STX8: variants seen among roughly 807,000 people sequenced by gnomAD.
STX8 encodes syntaxin-8.
In STX8, 23 loss-of-function variants were observed where a neutral mutation model predicts 37.5. The ratio of observed to expected loss-of-function variants is 0.61; its 90% CI spans 0.44 to 0.87. The LOEUF (loss-of-function observed/expected upper bound fraction) is 0.87, where lower values mean the gene tolerates loss of function less well. STX8 is among the 40% of genes least tolerant of loss of function. The pLI, the probability that STX8 is intolerant of heterozygous loss-of-function variation, is 0.00. For synonymous variants in STX8, 115 were observed against 99.1 expected (o/e 1.16, Z -0.95); for missense variants, 313 against 284.7 (o/e 1.10, Z -0.71).
Position 9,547,246 on chromosome 17 carries a change from C to CAAAAAAAAAA in STX8, c.213-1974_213-1965dup, listed in dbSNP as rs11300957. The CAAAAAAAAAA allele has an allele frequency of 6.2e-5, 8 of 129,652 alleles. 1 individual carries two copies. The highest frequency in any genetic ancestry group is 2.4e-4 in the African/African-American group (8 of 32,890). 8.0% of individuals were successfully genotyped at this position (129,652 alleles called of 1,614,324 possible). Reference sequence around the variant, plus strand: ...CTGGTGAAAGAGCGAGACTCTGTCTCAAAAAAAAAAAAAAAAAAAAGAAAA... The same window carrying CAAAAAAAAAA: ...CTGGTGAAAGAGCGAGACTCTGTCTCAAAAAAAAAAAAAAAAAAAAAAAAAAAAAAGAAAA... On this transcript the variant is annotated intron_variant, in intron 3 of 7. Coordinates refer to ENST00000306357, the MANE Select transcript of STX8 (RefSeq NM_004853.3).
intron 6 of STX8, among the ~76,000 whole-genome samples, chr17:9,421,066 T>C (rs1238696719): frequency 6.6e-6 from 1 of 152,128 alleles, no homozygotes; most frequent in African/African-American, 2.4e-5. Context: ...CTCAATCCTA[T>C]ACCTATCCCT....
intron 7 of STX8, among the ~76,000 whole-genome samples, chr17:9,364,871 G>T (rs946757129): frequency 6.6e-6 from 1 of 152,054 alleles, no homozygotes; most frequent in African/African-American, 2.4e-5. Context: ...CCCTCTGGGG[G>T]TTGCAGTTTA....
At chr17:9,266,471 G>A (rs866621781) in intron 7 of STX8, among the ~76,000 whole-genome samples, 54 of 152,242 alleles carry the variant, frequency 3.5e-4, no homozygotes, top group African/African-American at 1.1e-3. Context: ...CTTCAGCGCC[G>A]TGCTGGCTGA....
At chr17:9,304,006 CA>C (rs1908871974) in intron 7 of STX8, among the ~76,000 whole-genome samples, 3 of 137,504 alleles carry the variant, frequency 2.2e-5, no homozygotes, top group African/African-American at 9.5e-5. Context: ...TGTCAAAGGC[CA>C]AATAATTAGG....
intron 6 of STX8, among the ~76,000 whole-genome samples, chr17:9,472,017 C>A (rs1905887105): frequency 6.7e-6 from 1 of 149,664 alleles, no homozygotes; most frequent in Non-Finnish European, 1.5e-5. Context: ...TCTGTACATA[C>A]CCCACACAGA....
chr17:9,546,959 C>T (rs116082578), intron 3 of STX8, among the ~76,000 whole-genome samples: 5,662 of 150,962 alleles, frequency 0.038, 374 homozygotes, highest in African/African-American at 0.13. Flanking sequence ...TGTTAAGAAA[C>T]ACAGAAGGGC....
At chr17:9,464,535 T>C (rs1447990701) in intron 6 of STX8, among the ~76,000 whole-genome samples, 2 of 152,148 alleles carry the variant, frequency 1.3e-5, no homozygotes, top group East Asian at 3.9e-4. Context: ...CACGGGTCTC[T>C]AGTACTTAAA....
At chr17:9,573,462 C>A (rs1907765678) in intron 1 of STX8, among the ~76,000 whole-genome samples, 1 of 152,206 alleles carries the variant, frequency 6.6e-6, no homozygotes, top group African/African-American at 2.4e-5. Flanking sequence ...CCACGCCCTT[C>A]GAGGTGTCCC....
intron 7 of STX8, among the ~76,000 whole-genome samples, chr17:9,283,946 G>A (rs940677432): frequency 3.3e-5 from 5 of 152,142 alleles, no homozygotes; most frequent in African/African-American, 7.2e-5. Context: ...GTATTTCCTC[G>A]GGAGAGGAAA....
rs535173520 is a variant in STX8 at position 9,525,636 on chromosome 17, G to A, written c.323+19536C>T. Among the ~76,000 whole-genome samples the A allele has an allele frequency of 5.3e-5, 8 of 152,080 alleles. No homozygotes were observed. In the East Asian group the frequency reaches 5.8e-4, roughly 11 times the overall value. On this transcript the variant is annotated intron_variant, in intron 4 of 7. Coordinates refer to ENST00000306357, the MANE Select transcript of STX8 (RefSeq NM_004853.3). ...GCTGGGATTACAAGCGTGAGCCACC[G>A]TGCCCGGCCCAGATTTCTCCATTTT... is the stretch of plus-strand genomic sequence containing the variant.
intron 7 of STX8, among the ~76,000 whole-genome samples, chr17:9,298,276 T>C (rs916253477): frequency 1.1e-4 from 16 of 152,166 alleles, no homozygotes; most frequent in Admixed American, 9.8e-4. Flanking sequence ...TGAGCACATG[T>C]GGAGCGTGAG....
At chr17:9,527,498 A>G (rs966066039) in intron 4 of STX8, among the ~76,000 whole-genome samples, 2 of 152,200 alleles carry the variant, frequency 1.3e-5, no homozygotes, top group Admixed American at 1.3e-4. Context: ...GTGATTAGGT[A>G]ATTCTACTTT....
In STX8 at chr17:9,316,414, G is replaced by A. The variant is rs72635519; in HGVS notation, c.643+62138C>T. ...CTTTCAGCCCCATCCCATGACCTCC[G>A]GGAAGAGGAGAGCAGCTGAAGGTTG... On this transcript the variant is annotated intron_variant, in intron 7 of 7. Coordinates refer to ENST00000306357, the MANE Select transcript of STX8 (RefSeq NM_004853.3). Among the ~76,000 whole-genome samples, 2,228 of 152,058 alleles carry A rather than the reference G, an allele frequency of 0.015. 129 individuals carry two copies. In the East Asian group the frequency reaches 0.2, roughly 14 times the overall value.
chr17:9,299,592 C>T (rs113973678), intron 7 of STX8, among the ~76,000 whole-genome samples: 1,904 of 151,970 alleles, frequency 0.013, 38 homozygotes, highest in African/African-American at 0.044. Flanking sequence ...TACAGGCGCC[C>T]GCCACCACAC....
chr17:9,387,814 A>G (rs565272830), intron 6 of STX8, among the ~76,000 whole-genome samples: 2 of 152,316 alleles, frequency 1.3e-5, no homozygotes, highest in Non-Finnish European at 2.9e-5. Context: ...AGTGCAAAAT[A>G]TTCCTTGTCT....
intron 7 of STX8, among the ~76,000 whole-genome samples, chr17:9,320,796 G>C (rs989480278): frequency 6.6e-6 from 1 of 151,588 alleles, no homozygotes; most frequent in Non-Finnish European, 1.5e-5. Context: ...AGCTAGTCAA[G>C]AGGCTGAGGC....
rs532784111 is a variant in STX8, at chr17:9,520,915, A to G, written c.324-15753T>C. Among the ~76,000 whole-genome samples, 6 of 152,300 alleles carry G rather than the reference A, an allele frequency of 3.9e-5. No homozygotes were observed. In the South Asian group the frequency reaches 6.2e-4, roughly 16 times the overall value. On this transcript the variant is annotated intron_variant, in intron 4 of 7. Coordinates refer to ENST00000306357, the MANE Select transcript of STX8 (RefSeq NM_004853.3). ...AATATCAGTGTTTGGGCATTCACAG[A>G]CCACAGGGAGGTTTGCAGTTAGGAT... is the stretch of plus-strand genomic sequence containing the variant.
At chr17:9,459,898 T>G (rs1338310218) in intron 6 of STX8, among the ~76,000 whole-genome samples, 1 of 152,198 alleles carries the variant, frequency 6.6e-6, no homozygotes, top group African/African-American at 2.4e-5. Flanking sequence ...TCAAATAAGT[T>G]TTTTTGGCAT....
At chr17:9,468,507 C>A (rs1451397243) in intron 6 of STX8, among the ~76,000 whole-genome samples, 2 of 152,176 alleles carry the variant, frequency 1.3e-5, no homozygotes, top group Non-Finnish European at 2.9e-5. Context: ...TAACTCAGTC[C>A]CCATCCGACC....
Sources: gnomAD v4.1 joint callset for allele counts (sites outside exome capture counted in the v4.1 genomes callset) on GRCh38, gnomAD v4.1.1 for gene constraint, MANE v1.5 for transcripts, NCBI Gene and HGNC (gene_info 2026-07-23, HGNC 2026-07-21) for gene names.